CEP83: variants seen among roughly 807,000 people sequenced by gnomAD.
CEP83 encodes centrosomal protein 83.
In CEP83, 70 loss-of-function variants were observed where a neutral mutation model predicts 101.9. The observed-to-expected ratio is 0.69, with a 90% confidence interval of 0.57 to 0.84. The LOEUF (loss-of-function observed/expected upper bound fraction) is 0.84, where lower values mean the gene tolerates loss of function less well. Among genes scored for constraint, CEP83 ranks in the 40% least tolerant of loss-of-function variants. CEP83 has a pLI of 0.00. For missense variants in CEP83, 715 were observed against 787.2 expected (o/e 0.91, Z 1.10); for synonymous variants, 264 against 267.9 (o/e 0.99, Z 0.14).
rs369015856 is a variant in CEP83, at chr12:94,400,996, C to T, written c.418-15G>A. ...TTTTCTACCTCCTAAAGGGAGAATG[C>T]ATTTATCATAGATTTATAAACAAAA... On this transcript the variant is annotated splice_polypyrimidine_tract_variant and intron_variant, in intron 5 of 16. Transcript: ENST00000397809. 4.6e-6 allele frequency: 6 copies of T among 1,315,748 alleles called. No homozygotes were observed. The highest frequency in any genetic ancestry group is 2.8e-5 in the East Asian group (1 of 35,478). The allele number at this position is 1,315,748 out of a possible 1,614,324, so 81.5% of individuals were successfully genotyped here. A position where few individuals can be genotyped will look rare whatever the true frequency, so the allele number is the denominator to read the frequency against.
At chr12:94,350,618 C>CAA (rs367593030) in intron 11 of CEP83, among the ~76,000 whole-genome samples, 14 of 149,068 alleles carry the variant, frequency 9.4e-5, no homozygotes, top group African/African-American at 3.4e-4. Context: ...ACAACAACAA[C>CAA]AAAAAAAAAC....
chr12:94,400,139 A>G (rs1210821458), intron 6 of CEP83, among the ~76,000 whole-genome samples: 1 of 152,264 alleles, frequency 6.6e-6, no homozygotes, highest in Non-Finnish European at 1.5e-5. Context: ...AATATTTCAC[A>G]TAACTATAGA....
At chr12:94,296,642 G>A in the CEP83 span, among the ~76,000 whole-genome samples, 1 of 152,156 alleles carries the variant, frequency 6.6e-6, no homozygotes, top group Admixed American at 6.5e-5. Context: ...GGACCTTCCT[G>A]CAATTTGCCT....
chr12:94,362,396 G>T (rs2060811370), intron 11 of CEP83, among the ~76,000 whole-genome samples: 1 of 152,162 alleles, frequency 6.6e-6, no homozygotes, highest in African/African-American at 2.4e-5. Flanking sequence ...AAGGCAGGTG[G>T]ATCACTTGAG....
At chr12:94,406,917 ACT>A (rs2063574189) in intron 4 of CEP83, among the ~76,000 whole-genome samples, 1 of 148,794 alleles carries the variant, frequency 6.7e-6, no homozygotes, top group African/African-American at 2.5e-5. Context: ...ACACAGAGAG[ACT>A]CTGTCTCAAA....
At chr12:94,368,934 C>G (rs1010936837) in intron 9 of CEP83, 3 of 151,940 alleles carry the variant, frequency 2.0e-5, no homozygotes, top group African/African-American at 7.3e-5. Context: ...GCAGGAGGAC[C>G]ATTTGAGCCC....
chr12:94,312,885 T>A (rs775521418), intron 15 of CEP83, 29 bp downstream of exon 15: 5 of 1,300,958 alleles, frequency 3.8e-6, no homozygotes, highest in Non-Finnish European at 4.3e-6. Context: ...AATAACCACA[T>A]GGGGAAGATA....
intron 6 of CEP83, among the ~76,000 whole-genome samples, chr12:94,379,448 A>G (rs2137181394): frequency 6.6e-6 from 1 of 152,308 alleles, no homozygotes; most frequent in Middle Eastern, 3.4e-3. Flanking sequence ...TATACTAATA[A>G]AATTATCTAT....
chr12:94,412,177 A>C (rs2063926019), intron 3 of CEP83, 141 bp downstream of exon 3: 3 of 615,678 alleles, frequency 4.9e-6, no homozygotes, highest in Non-Finnish European at 7.8e-6. Context: ...TTAAAGTAAA[A>C]ATTTTACTAT....
chr12:94,414,469 G>A (rs1013418909), intron 2 of CEP83, among the ~76,000 whole-genome samples: 1 of 152,172 alleles, frequency 6.6e-6, no homozygotes, highest in South Asian at 2.1e-4. Flanking sequence ...CCCTTCACCT[G>A]CTAATAGATG....
chr12:94,317,876 G>A (rs1424969049), intron 14 of CEP83, among the ~76,000 whole-genome samples: 1 of 151,356 alleles, frequency 6.6e-6, no homozygotes, highest in Non-Finnish European at 1.5e-5. Flanking sequence ...TGTTGTTGTT[G>A]TTTGGCATAG....
At chr12:94,424,811 A>G in intron 2 of CEP83, 1 of 1,605,272 alleles carries the variant, frequency 6.2e-7, no homozygotes, top group Non-Finnish European at 8.5e-7. Flanking sequence ...GGTTTTGCTC[A>G]GCTGGTCATT....
intron 4 of CEP83, among the ~76,000 whole-genome samples, chr12:94,407,492 T>C (rs1476577981): frequency 6.6e-6 from 1 of 152,222 alleles, no homozygotes; most frequent in African/African-American, 2.4e-5. Flanking sequence ...ACATCACAGA[T>C]GCCTCTTGGA....
chr12:94,281,231 A>T, the CEP83 span, among the ~76,000 whole-genome samples: 30 of 152,286 alleles, frequency 2.0e-4, no homozygotes, highest in African/African-American at 6.7e-4. Flanking sequence ...GTGAGCCCAG[A>T]TTGCGCCACT....
chr12:94,411,472 G>A lies in CEP83; in HGVS notation c.324+225C>T, dbSNP rs564956541. Among the ~76,000 whole-genome samples, 10 of 152,010 alleles carry A rather than the reference G, an allele frequency of 6.6e-5. No individual in the cohort carries two copies. The South Asian group carries it at 1.9e-3, about 29-fold the overall frequency. On this transcript the variant is annotated intron_variant, in intron 4 of 16. Coordinates refer to ENST00000397809, the MANE Select transcript of CEP83 (RefSeq NM_016122.3). ...GTTAAATATTATTTATATCAGAATA[G>A]GCAATATAATACCAATTTACATAAA... is the stretch of plus-strand genomic sequence containing the variant.
intron 1 of CEP83, among the ~76,000 whole-genome samples, chr12:94,447,135 A>G (rs1373499931): frequency 1.3e-5 from 2 of 152,236 alleles, no homozygotes; most frequent in African/African-American, 2.4e-5. Flanking sequence ...AGATAACCAA[A>G]GACGAAGACA....
chr12:94,374,694 C>T (rs2061449868), intron 8 of CEP83, among the ~76,000 whole-genome samples: 1 of 152,112 alleles, frequency 6.6e-6, no homozygotes, highest in Admixed American at 6.5e-5. Context: ...TTAGGTTACA[C>T]ATAGTTATTG....
At chr12:94,401,742 C>T (rs1467982612) in intron 5 of CEP83, among the ~76,000 whole-genome samples, 1 of 152,104 alleles carries the variant, frequency 6.6e-6, no homozygotes, top group Non-Finnish European at 1.5e-5. Context: ...CATTATTTTA[C>T]TGCAGATATA....
At chr12:94,443,578 C>T (rs2066579897) in intron 1 of CEP83, among the ~76,000 whole-genome samples, 1 of 152,062 alleles carries the variant, frequency 6.6e-6, no homozygotes, top group South Asian at 2.1e-4. Flanking sequence ...CTGCAACCTC[C>T]GTCCCGCGGG....
Sources: gnomAD v4.1 joint callset for allele counts (sites outside exome capture counted in the v4.1 genomes callset) on GRCh38, gnomAD v4.1.1 for gene constraint, MANE v1.5 for transcripts, NCBI Gene and HGNC (gene_info 2026-07-23, HGNC 2026-07-21) for gene names.